Variants in UNC79 observed in about 807,000 individuals in gnomAD.
UNC79 encodes protein unc-79 homolog.
In UNC79, 37 loss-of-function variants were observed where a neutral mutation model predicts 283.1. The ratio of observed to expected loss-of-function variants is 0.13; its 90% CI spans 0.10 to 0.17. The LOEUF (loss-of-function observed/expected upper bound fraction) is 0.17, where lower values mean the gene tolerates loss of function less well. Ranked by LOEUF, UNC79 falls within the 10% of genes least tolerant of loss-of-function variation. The pLI is 1.00. For synonymous variants in UNC79, 1,107 were observed against 1,200.2 expected, an observed-to-expected ratio of 0.92 and a Z score of 1.61; for missense variants, 2,272 against 3,211.1, an observed-to-expected ratio of 0.71 and a Z score of 7.07.
intron 7 of UNC79, among the ~76,000 whole-genome samples, chr14:93,502,143 G>A (rs1264986352): frequency 1.3e-5 from 2 of 152,186 alleles, no homozygotes; most frequent in Non-Finnish European, 2.9e-5. Flanking sequence ...GCCGGGCATG[G>A]TGGCTTATGC....
intron 41 of UNC79, among the ~76,000 whole-genome samples, chr14:93,680,737 C>T (rs201633584): frequency 6.6e-6 from 1 of 152,120 alleles, no homozygotes; most frequent in East Asian, 1.9e-4. Context: ...GGGTTACAGG[C>T]ATGTGCCACC....
upstream of UNC79, among the ~76,000 whole-genome samples, chr14:93,425,597 T>C (rs2055708448): frequency 6.6e-6 from 1 of 152,194 alleles, no homozygotes; most frequent in South Asian, 2.1e-4. Flanking sequence ...AAAGTTGATT[T>C]ATGATCAAGT....
At chr14:93,670,650 A>G (rs1260000137) in intron 40 of UNC79, among the ~76,000 whole-genome samples, 1 of 152,134 alleles carries the variant, frequency 6.6e-6, no homozygotes, top group Non-Finnish European at 1.5e-5. Context: ...TGGAGGTTTC[A>G]TTATGTAGAC....
chr14:93,499,626 A>G (rs917552711), intron 7 of UNC79, among the ~76,000 whole-genome samples: 6 of 152,184 alleles, frequency 3.9e-5, no homozygotes. Context: ...TAAAGAAAAC[A>G]TGAAAATCAT....
chr14:93,559,616 T>C (rs2062417396), intron 14 of UNC79, among the ~76,000 whole-genome samples: 1 of 152,038 alleles, frequency 6.6e-6, no homozygotes, highest in Non-Finnish European at 1.5e-5. Context: ...TGGGGGAGCT[T>C]TTGAGCCAGG....
chr14:93,460,363 A>T (rs2056923717), intron 1 of UNC79, among the ~76,000 whole-genome samples: 1 of 151,974 alleles, frequency 6.6e-6, no homozygotes, highest in South Asian at 2.1e-4. Flanking sequence ...CAAAAAAATT[A>T]GTCGGGTGTG....
At chr14:93,500,821 A>G (rs540893491) in intron 7 of UNC79, among the ~76,000 whole-genome samples, 2 of 152,332 alleles carry the variant, frequency 1.3e-5, no homozygotes, top group Admixed American at 6.5e-5. Flanking sequence ...TTAATTAAAC[A>G]TTAGGTAAAG....
chr14:93,686,796 G>A (rs1398767891), intron 43 of UNC79, 135 bp downstream of exon 46: 2 of 920,578 alleles, frequency 2.2e-6, no homozygotes, highest in African/African-American at 1.6e-5. Context: ...CCTGTCTTGG[G>A]GGATCAAAGA....
chr14:93,672,890 A>G (rs1217635893), intron 40 of UNC79, among the ~76,000 whole-genome samples: 4 of 152,252 alleles, frequency 2.6e-5, no homozygotes, highest in Non-Finnish European at 4.4e-5. Flanking sequence ...AGAGGGTGGT[A>G]GGTGCATACT....
chr14:93,428,848 G>A (rs1372901321), upstream of UNC79, among the ~76,000 whole-genome samples: 4 of 152,260 alleles, frequency 2.6e-5, no homozygotes, highest in South Asian at 8.3e-4. Context: ...CTTGCACCAG[G>A]TTACACAGAT....
intron 1 of UNC79, among the ~76,000 whole-genome samples, chr14:93,371,835 G>A (rs1158582997): frequency 2.0e-5 from 3 of 149,730 alleles, no homozygotes; most frequent in South Asian, 2.1e-4. Context: ...TCGAGACTCC[G>A]TCTCAAAAAA....
intron 30 of UNC79, among the ~76,000 whole-genome samples, chr14:93,627,565 C>T (rs868025481): frequency 1.3e-5 from 2 of 152,148 alleles, no homozygotes; most frequent in African/African-American, 4.8e-5. Flanking sequence ...GGCAGAGTCA[C>T]AAAAGAACAA....
upstream of UNC79, chr14:93,333,199 G>T (rs1162952472): frequency 2.5e-6 from 1 of 397,526 alleles, no homozygotes; most frequent in Non-Finnish European, 4.4e-6. Flanking sequence ...GGATCCATGG[G>T]AGCGGAGTGC....
intron 27 of UNC79, among the ~76,000 whole-genome samples, chr14:93,615,748 A>G (rs995930794): frequency 2.9e-4 from 42 of 143,994 alleles, no homozygotes; most frequent in Non-Finnish European, 5.5e-4. Flanking sequence ...AAAAAAAAGA[A>G]AAGAAGAAAA....
At chr14:93,582,909 C>T (rs1269228640) in intron 20 of UNC79, among the ~76,000 whole-genome samples, 1 of 152,018 alleles carries the variant, frequency 6.6e-6, no homozygotes, top group Non-Finnish European at 1.5e-5. Flanking sequence ...CCCCACGTGC[C>T]TCTGGGAAAG....
Position 93,617,109 on chromosome 14 carries a change from T to G in UNC79, c.4042-13T>G. On this transcript the variant is annotated splice_polypyrimidine_tract_variant and intron_variant, in intron 27 of 48. Transcript: ENST00000555664. The surrounding 1 kb of genome is among the most constrained non-coding windows in gnomAD (Gnocchi z 4.5). ...TAGTTTTCCATCAGTTATTAATATT[T>G]TTTCTATTTCAGGTTATGGACTATA... 1 of 1,593,746 alleles carries G rather than the reference T, an allele frequency of 6.3e-7. No homozygotes were observed.
chr14:93,523,294 A>G (rs1427448389), intron 7 of UNC79, among the ~76,000 whole-genome samples: 1 of 152,126 alleles, frequency 6.6e-6, no homozygotes, highest in Non-Finnish European at 1.5e-5. Context: ...ACTAGCAGAG[A>G]TTTAATTGGG....
exon 38 of UNC79, chr14:93,655,401 T>C (rs1354475185): frequency 6.2e-7 from 1 of 1,613,556 alleles, no homozygotes; most frequent in Non-Finnish European, 8.5e-7. Context: ...GTGTTTTACC[T>C]CTGAAGGTAA....
chr14:93,497,125 C>T (rs1420211260), intron 6 of UNC79, 32 bp from the exon 7 acceptor site: 10 of 1,592,028 alleles, frequency 6.3e-6, no homozygotes, highest in Middle Eastern at 4.3e-4. Flanking sequence ...TTTCATGATG[C>T]TAAGTCAAAA....
Sources: gnomAD v4.1 joint callset for allele counts (sites outside exome capture counted in the v4.1 genomes callset) on GRCh38, gnomAD v4.1.1 for gene constraint, Gnocchi (gnomAD v3.1) non-coding constraint, MANE v1.5 for transcripts, NCBI Gene and HGNC (gene_info 2026-07-23, HGNC 2026-07-21) for gene names.